LRRC8A: variants seen among roughly 807,000 people sequenced by gnomAD.
LRRC8A encodes the protein leucine rich repeat containing 8 VRAC subunit A, also known as volume-regulated anion channel subunit LRRC8A.
LRRC8A carries 24 observed loss-of-function variants against 52.5 expected under a neutral mutation model. That is an observed-to-expected ratio of 0.46 (90% CI 0.33 to 0.64). The LOEUF (loss-of-function observed/expected upper bound fraction) is 0.64. Among genes scored for constraint, LRRC8A ranks in the 30% least tolerant of loss-of-function variants. LRRC8A has a pLI of 0.02. For synonymous variants in LRRC8A, 492 were observed against 494.2 expected, an observed-to-expected ratio of 1.00 and a Z score of 0.06; for missense variants, 677 against 1,094.7, an observed-to-expected ratio of 0.62 and a Z score of 5.38.
chr9:128,887,583 A>T (rs1052029455), intron 2 of LRRC8A, among the ~76,000 whole-genome samples: 5 of 152,086 alleles, frequency 3.3e-5, no homozygotes, highest in African/African-American at 1.2e-4. Flanking sequence ...ATTTTTATAA[A>T]AATCTGGTCA....
chr9:128,901,833 C>G (rs2130991727), intron 2 of LRRC8A, among the ~76,000 whole-genome samples: 1 of 152,312 alleles, frequency 6.6e-6, no homozygotes, highest in South Asian at 2.1e-4. Flanking sequence ...GACCACCCGG[C>G]TGGCTCCTGT....
intron 3 of LRRC8A, among the ~76,000 whole-genome samples, chr9:128,914,068 G>T (rs551631329): frequency 6.6e-6 from 1 of 152,264 alleles, no homozygotes; most frequent in South Asian, 2.1e-4. Context: ...AGCCGGGCAT[G>T]GTGGTATGCG....
In LRRC8A at chr9:128,907,206, G is replaced by A; in HGVS notation, c.42G>A (p.Gln14=). Residue 14 remains glutamine (Q), a synonymous_variant, in exon 3 of 4, where the codon CAG becomes CAA. Coordinates refer to ENST00000372600, the MANE Select transcript of LRRC8A (RefSeq NM_019594.4). This position sits in a 1 kb window ranked among gnomAD's most constrained non-coding sequence, Gnocchi z 9.3. ...AGCTCCGCTACTTTGCGGACACGCA[G>A]CCAGCATACCGGATCCTGAAGCCGT... ...VTELRYFADT[Q]PAYRILKPWW... is the part of the protein sequence containing the mutation. 1 of 1,612,534 alleles carries A rather than the reference G, an allele frequency of 6.2e-7. No individual in the cohort carries two copies. Among genetic ancestry groups the A allele is most frequent in the African/African-American group, 1.3e-5 (1 of 75,046 alleles).
intron 3 of LRRC8A, among the ~76,000 whole-genome samples, chr9:128,913,105 G>C (rs977165501): frequency 1.3e-5 from 2 of 152,192 alleles, no homozygotes; most frequent in African/African-American, 4.8e-5. Flanking sequence ...GAGCAGAGAG[G>C]GAGAAGGACA....
intron 2 of LRRC8A, among the ~76,000 whole-genome samples, chr9:128,893,341 C>T (rs1205611803): frequency 2.0e-5 from 3 of 152,164 alleles, no homozygotes; most frequent in Non-Finnish European, 4.4e-5. Flanking sequence ...CAGGTGGGAC[C>T]GTGGAACGAC....
intron 2 of LRRC8A, among the ~76,000 whole-genome samples, chr9:128,897,715 T>G (rs1370234877): frequency 6.6e-6 from 1 of 151,978 alleles, no homozygotes; most frequent in Non-Finnish European, 1.5e-5. Context: ...TGGCTAATTC[T>G]TTGTATTTAG....
chr9:128,882,470 G>A, intron 1 of LRRC8A: 1 of 373,876 alleles, frequency 2.7e-6, no homozygotes, highest in Non-Finnish European at 4.8e-6. Context: ...CGCGGCGCGC[G>A]AGCCCCCTCC....
At chr9:128,900,341 T>TA (rs1323214668) in intron 2 of LRRC8A, among the ~76,000 whole-genome samples, 1 of 152,228 alleles carries the variant, frequency 6.6e-6, no homozygotes, top group Non-Finnish European at 1.5e-5. Flanking sequence ...CTGGCTTCAC[T>TA]AGGTGCTGAG....
At chr9:128,882,559 T>G in intron 1 of LRRC8A, 1 of 395,970 alleles carries the variant, frequency 2.5e-6, no homozygotes, top group Non-Finnish European at 4.4e-6. Context: ...TGTCATCCCC[T>G]GGGTCCCCCC....
At chr9:128,893,795 C>T (rs574526010) in intron 2 of LRRC8A, among the ~76,000 whole-genome samples, 26 of 152,158 alleles carry the variant, frequency 1.7e-4, no homozygotes, top group Non-Finnish European at 3.8e-4. Flanking sequence ...CCTCTACAGT[C>T]TCACCACGAG....
chr9:128,891,624 CT>C (rs1839624877), intron 2 of LRRC8A, among the ~76,000 whole-genome samples: 1 of 152,206 alleles, frequency 6.6e-6, no homozygotes, highest in Admixed American at 6.5e-5. Flanking sequence ...CCAACACTGC[CT>C]TCTGGCCCTA....
rs1416792571 is a variant in LRRC8A, at chr9:128,917,217, T to C, written c.*846T>C. The C allele has an allele frequency of 6.6e-6, 1 of 152,410 alleles. No individual in the cohort carries two copies. The highest frequency in any genetic ancestry group is 1.5e-5 in the Non-Finnish European group (1 of 67,978). 9.4% of individuals were successfully genotyped at this position (152,410 alleles called of 1,614,324 possible). ...GCCAGACGTTGAACTGTGTTTCCTT[T>C]CCCTGGGCGCAGGGTGCAGGGTGTC... On this transcript the variant is annotated 3_prime_UTR_variant, in exon 4 of 4. Coordinates refer to ENST00000372600, the MANE Select transcript of LRRC8A (RefSeq NM_019594.4).
At chr9:128,906,316 ATT>A (rs71383620) in intron 2 of LRRC8A, among the ~76,000 whole-genome samples, 1 of 79,278 alleles carries the variant, frequency 1.3e-5, no homozygotes, top group Non-Finnish European at 2.3e-5. Flanking sequence ...CCCATGTGGA[ATT>A]TTTTTTTTTT....
chr9:128,883,884 G>A (rs1296535707), intron 1 of LRRC8A, among the ~76,000 whole-genome samples: 1 of 152,096 alleles, frequency 6.6e-6, no homozygotes, highest in Non-Finnish European at 1.5e-5. Flanking sequence ...TGAGGCAGGA[G>A]AATTGCTTGA....
At chr9:128,912,137 C>A (rs1244968941) in intron 3 of LRRC8A, among the ~76,000 whole-genome samples, 1 of 152,216 alleles carries the variant, frequency 6.6e-6, no homozygotes, top group Non-Finnish European at 1.5e-5. Context: ...GTTTTCTAGG[C>A]TGGTCTTTAA....
intron 3 of LRRC8A, chr9:128,912,928 G>T (rs139630253): frequency 1.7e-3 from 255 of 152,514 alleles, no homozygotes; most frequent in Non-Finnish European, 2.9e-3. Context: ...TTTGTGGATT[G>T]TTGAGACTGG....
intron 2 of LRRC8A, among the ~76,000 whole-genome samples, chr9:128,898,039 A>AGT (rs58876901): frequency 1.1e-4 from 15 of 136,488 alleles, no homozygotes; most frequent in African/African-American, 3.0e-4. Context: ...AAGATTGTTC[A>AGT]GTGTGTGTGT....
chr9:128,899,905 T>A lies in LRRC8A; in HGVS notation c.-8-7252T>A, dbSNP rs1839961679. ...TGGTACATTTTCAGTTACATGTGTT[T>A]TATGACAGTCTAAAAAAATTGAGGG... is the stretch of plus-strand genomic sequence containing the variant. On this transcript the variant is annotated intron_variant, in intron 2 of 3. Transcript: ENST00000372600. This position sits in a 1 kb window ranked among gnomAD's most constrained non-coding sequence, Gnocchi z 4.0. 6.6e-6 allele frequency among the ~76,000 whole-genome samples: 1 copy of A among 152,224 alleles called. No homozygotes were observed. Among genetic ancestry groups the A allele is most frequent in the Non-Finnish European group, 1.5e-5 (1 of 68,032 alleles).
At chr9:128,909,359 G>C in intron 3 of LRRC8A, 38 bp downstream of exon 3, 1 of 1,588,022 alleles carries the variant, frequency 6.3e-7, no homozygotes, top group South Asian at 1.1e-5. Flanking sequence ...GTGGGCTGGC[G>C]GGTGGCCTGG....
Sources: allele counts gnomAD v4.1 joint callset (sites outside exome capture counted in the v4.1 genomes callset), GRCh38; gene constraint gnomAD v4.1.1; non-coding constraint Gnocchi (gnomAD v3.1); transcripts MANE v1.5; gene names NCBI Gene and HGNC (gene_info 2026-07-23, HGNC 2026-07-21).